SIPA1L2: variants seen among roughly 807,000 people sequenced by gnomAD.
The protein encoded by SIPA1L2 is signal induced proliferation associated 1 like 2.
SIPA1L2 carries 56 observed loss-of-function variants against 163.9 expected under a neutral mutation model. The observed-to-expected ratio is 0.34, with a 90% CI of 0.28 to 0.43. The LOEUF is 0.43. SIPA1L2 is among the 20% of genes least tolerant of loss of function. The probability of loss-of-function intolerance (pLI) is 1.00; values close to 1 mark genes in which losing one functional copy is unlikely to be tolerated. For missense variants in SIPA1L2, 1,974 were observed against 2,193.5 expected, an observed-to-expected ratio of 0.90 and a Z score of 2.00; for synonymous variants, 877 against 865.7, an observed-to-expected ratio of 1.01 and a Z score of -0.23.
intron 15 of SIPA1L2, among the ~76,000 whole-genome samples, chr1:232,432,819 T>A (rs2102835493): frequency 1.3e-5 from 2 of 152,300 alleles, no homozygotes; most frequent in Admixed American, 1.3e-4. Flanking sequence ...CAAACTCAGT[T>A]GTCTCCAGGG....
At chr1:232,616,718 C>T (rs1261901756) in intron 1 of SIPA1L2, among the ~76,000 whole-genome samples, 1 of 152,242 alleles carries the variant, frequency 6.6e-6, no homozygotes, top group Non-Finnish European at 1.5e-5. Flanking sequence ...TTAACCAATA[C>T]AGCCCTAAGG....
At position 232,415,608 on chromosome 1, in the gene SIPA1L2, C is replaced by G. The variant is rs1340790424; in HGVS notation, c.4648G>C (p.Asp1550His). The change falls in exon 19 of 23, where the codon GAT becomes CAT. Residue 1550 changes from aspartate to histidine, a missense_variant. Around this residue, in one of 3 missense-constraint regions of SIPA1L2, gnomAD observed 1,079 missense variants for 1,150.7 expected, o/e 0.94. Transcript: ENST00000674635. ...TTGGACTTATCTGATAAGGACCCAT[C>G]GGAGAACCAGAACTCATCTAAACAG... Reference protein sequence around the residue: ...GSLRNEFWFSDGSLSDKSKCA... With the variant: ...GSLRNEFWFSHGSLSDKSKCA... The G allele has an allele frequency of 6.2e-6, 10 of 1,613,894 alleles. No homozygotes were observed. Among genetic ancestry groups the G allele is most frequent in the African/African-American group, 1.3e-5 (1 of 74,918 alleles).
chr1:232,628,121 T>C (rs1397226847), intron 1 of SIPA1L2, among the ~76,000 whole-genome samples: 1 of 152,236 alleles, frequency 6.6e-6, no homozygotes, highest in Non-Finnish European at 1.5e-5. Flanking sequence ...AGAATAAAAG[T>C]GCTTAAAAAC....
intron 7 of SIPA1L2, 133 bp downstream of exon 7, chr1:232,479,494 T>G: frequency 1.4e-6 from 1 of 699,348 alleles, no homozygotes; most frequent in African/African-American, 1.8e-5. Flanking sequence ...GATCAAAGAG[T>G]CAAAGATGAT....
At chr1:232,559,875 T>C (rs1171488188) in intron 2 of SIPA1L2, among the ~76,000 whole-genome samples, 1 of 152,232 alleles carries the variant, frequency 6.6e-6, no homozygotes, top group Non-Finnish European at 1.5e-5. Context: ...GTTTCTACTA[T>C]AGACTAATTC....
rs1476976937 is a variant in SIPA1L2 at position 232,483,902 on chromosome 1, A to G, written c.1871T>C (p.Met624Thr). ...CKAGQSTEEE[M>T]YNNETAGPAF... ...TGGTCCCGCCGTCTCATTGTTATAC[A>G]TCTCTTCCTCTGTGCTCTGGCCTGC... is the stretch of plus-strand genomic sequence containing the variant. Residue 624 changes from methionine to threonine, a missense_variant, in exon 6 of 23, where the codon ATG becomes ACG. Met to Thr is a moderately conservative substitution (Grantham distance 81). Around this residue, in one of 3 missense-constraint regions of SIPA1L2, gnomAD observed 288 missense variants for 418.9 expected, o/e 0.69. Coordinates refer to ENST00000674635, the MANE Select transcript of SIPA1L2 (RefSeq NM_020808.5). 6.2e-7 allele frequency: 1 copy of G among 1,613,950 alleles called. No individual in the cohort carries two copies. Among genetic ancestry groups the G allele is most frequent in the Non-Finnish European group, 8.5e-7 (1 of 1,179,970 alleles).
At chr1:232,515,744 C>T (rs1288071685) in intron 2 of SIPA1L2, 136 bp from the exon 3 acceptor site, 1 of 169,762 alleles carries the variant, frequency 5.9e-6, no homozygotes, top group African/African-American at 2.4e-5. Flanking sequence ...CTGTTCGTAA[C>T]ACTCCTCCCT....
At chr1:232,550,501 C>A (rs1340680968) in intron 2 of SIPA1L2, among the ~76,000 whole-genome samples, 1 of 152,152 alleles carries the variant, frequency 6.6e-6, no homozygotes, top group Non-Finnish European at 1.5e-5. Flanking sequence ...ATATTTTCAA[C>A]CAGAAAAGCA....
At chr1:232,578,028 G>A (rs954746141) in intron 1 of SIPA1L2, among the ~76,000 whole-genome samples, 1 of 152,054 alleles carries the variant, frequency 6.6e-6, no homozygotes, top group Non-Finnish European at 1.5e-5. Flanking sequence ...TTAAGAAATT[G>A]CCATACCCAG....
intron 1 of SIPA1L2, among the ~76,000 whole-genome samples, chr1:232,627,012 GGAC>G (rs1663112536): frequency 6.6e-6 from 1 of 151,890 alleles, no homozygotes; most frequent in Non-Finnish European, 1.5e-5. Flanking sequence ...CTATTCTCTA[GGAC>G]TGTACTTTGT....
At chr1:232,517,903 C>T (rs947837538) in intron 2 of SIPA1L2, among the ~76,000 whole-genome samples, 1 of 151,890 alleles carries the variant, frequency 6.6e-6, no homozygotes, top group Non-Finnish European at 1.5e-5. Flanking sequence ...TTTAATTAGC[C>T]CGGCGTGGCG....
At chr1:232,461,259 C>T in intron 9 of SIPA1L2, 98 bp from the exon 10 acceptor site, 1 of 1,468,718 alleles carries the variant, frequency 6.8e-7, no homozygotes, top group Admixed American at 2.0e-5. Context: ...CAGCCCTCTC[C>T]CTTGGGCCCT....
intron 1 of SIPA1L2, among the ~76,000 whole-genome samples, chr1:232,611,830 A>G (rs35060038): frequency 0.026 from 3,984 of 152,334 alleles, 70 homozygotes; most frequent in South Asian, 0.037. Context: ...AGAAATGTGC[A>G]TAAATAATGA....
chr1:232,522,585 T>C (rs977434912), intron 2 of SIPA1L2, among the ~76,000 whole-genome samples: 4 of 151,632 alleles, frequency 2.6e-5, no homozygotes, highest in Non-Finnish European at 5.9e-5. Context: ...ACTCTAAGCA[T>C]GGGGAAGACA....
chr1:232,465,473 CTTTCCGAA>C lies in SIPA1L2; in HGVS notation c.2244-65_2244-58del, dbSNP rs1664457473. 5 of 1,469,576 alleles carry C rather than the reference CTTTCCGAA, an allele frequency of 3.4e-6. No homozygotes were observed. The East Asian group carries it at 1.1e-4, about 34-fold the overall frequency. The allele number at this position is 1,469,576 out of a possible 1,614,324, so 91.0% of individuals were successfully genotyped here. A position where few individuals can be genotyped will look rare whatever the true frequency, so the allele number is the denominator to read the frequency against. On this transcript the variant is annotated intron_variant, in intron 8 of 22. Transcript: ENST00000674635. The surrounding 1 kb of genome is among the most constrained non-coding windows in gnomAD (Gnocchi z 4.1). ...TGAGCTATGATACCATAATATGTATCTTTCCGAATTTGACATATATATACACACACACA... is the reference window on the plus strand; with the variant it reads ...TGAGCTATGATACCATAATATGTATCTTTGACATATATATACACACACACA...
At chr1:232,557,262 A>G (rs953133695) in intron 2 of SIPA1L2, among the ~76,000 whole-genome samples, 3 of 152,182 alleles carry the variant, frequency 2.0e-5, no homozygotes, top group African/African-American at 7.2e-5. Flanking sequence ...CATTTCTGGC[A>G]TTCGCTTCTA....
chr1:232,570,893 T>C (rs1659687511), intron 2 of SIPA1L2, among the ~76,000 whole-genome samples: 1 of 151,410 alleles, frequency 6.6e-6, no homozygotes, highest in African/African-American at 2.4e-5. Context: ...GGAAAGTAAT[T>C]TTTATAATTG....
At chr1:232,428,706 G>A (rs147795047) in intron 16 of SIPA1L2, 142 bp from the exon 17 acceptor site, 7 of 498,346 alleles carry the variant, frequency 1.4e-5, no homozygotes, top group African/African-American at 4.0e-5. Context: ...CTTTTGCTGC[G>A]TTTGCTCCAA....
chr1:232,608,061 A>AAAAAAAAAAAAAAC (rs1662048541), intron 1 of SIPA1L2, among the ~76,000 whole-genome samples: 1 of 150,632 alleles, frequency 6.6e-6, no homozygotes, highest in African/African-American at 2.5e-5. Context: ...AAAAAAAAAA[A>AAAAAAAAAAAAAAC]AAAAAAAACG....
Sources: gnomAD v4.1 joint callset for allele counts (sites outside exome capture counted in the v4.1 genomes callset) on GRCh38, gnomAD v4.1.1 for gene constraint, gnomAD v4.1.1 regional missense constraint, Gnocchi (gnomAD v3.1) non-coding constraint, MANE v1.5 for transcripts, NCBI Gene and HGNC (gene_info 2026-07-23, HGNC 2026-07-21) for gene names.